Variants in AGBL1 observed in about 807,000 individuals in gnomAD.
The protein encoded by AGBL1 is cytosolic carboxypeptidase 4.
AGBL1 carries 130 observed loss-of-function variants against 118.9 expected under a neutral mutation model. The ratio of observed to expected loss-of-function variants is 1.09; its 90% CI spans 0.95 to 1.26. The LOEUF is 1.26. AGBL1 is among the 50% of genes most tolerant of loss of function. The pLI, the probability that AGBL1 is intolerant of heterozygous loss-of-function variation, is 0.00. For synonymous variants in AGBL1, 555 were observed against 478.9 expected (o/e 1.16, Z -2.08); for missense variants, 1,584 against 1,298.1 (o/e 1.22, Z -3.38).
At chr15:86,534,282 A>G (rs904429232) in intron 19 of AGBL1, among the ~76,000 whole-genome samples, 11 of 152,254 alleles carry the variant, frequency 7.2e-5, no homozygotes, top group African/African-American at 2.6e-4. Context: ...GGGTTGAGTC[A>G]TTTTCTCTCA....
chr15:86,895,952 G>A (rs577689435), intron 22 of AGBL1, among the ~76,000 whole-genome samples: 2 of 151,798 alleles, frequency 1.3e-5, no homozygotes, highest in Admixed American at 6.6e-5. Context: ...CTTTCAACTG[G>A]TATCTTTTTA....
rs966168113 is a variant in AGBL1 at position 86,303,668 on chromosome 15, A to G, written c.2374+8260A>G. ...AATAAAACAAATTTTATACTACCTA[A>G]TTTTCTCAATCAGCAAGGATATCAG... On this transcript the variant is annotated intron_variant, in intron 17 of 22. Transcript: ENST00000614907. 2.8e-4 allele frequency among the ~76,000 whole-genome samples: 42 copies of G among 152,242 alleles called. 1 individual carries two copies. Among genetic ancestry groups the G allele is most frequent in the Non-Finnish European group, 1.5e-4 (10 of 68,000 alleles).
chr15:86,239,922 A>C lies in AGBL1; in HGVS notation c.527-7749A>C, dbSNP rs946498046. On this transcript the variant is annotated intron_variant, in intron 6 of 22. Transcript: ENST00000614907. The stretch of plus-strand genomic sequence containing the variant: ...ATTAGCCCGATTTGTTCATTCCCCA[A>C]GGTATATATATAGGCACGGGAACCT... 6.6e-5 allele frequency among the ~76,000 whole-genome samples: 10 copies of C among 152,352 alleles called. 1 individual carries two copies. The Middle Eastern group carries it at 0.027, about 415-fold the overall frequency.
rs36077192 is a variant in AGBL1 at position 86,980,885 on chromosome 15, C to CTTTT, written c.3222-7086_3222-7083dup. Among the ~76,000 whole-genome samples the CTTTT allele has an allele frequency of 2.5e-5, 3 of 118,996 alleles. 1 individual carries two copies. Among genetic ancestry groups the CTTTT allele is most frequent in the African/African-American group, 1.0e-4 (3 of 29,990 alleles). The allele number at this position is 118,996 out of a possible 152,430, so 78.1% of individuals were successfully genotyped here. ...ATATAAATAGTGCTTCAGAAACATC[C>CTTTT]TTTTTTTTTTTTTTTTTTTGAGACA... On this transcript the variant is annotated intron_variant, in intron 23 of 24. Coordinates refer to the AGBL1 transcript ENST00000441037.
At chr15:86,758,847 C>T (rs1418334770) in intron 22 of AGBL1, among the ~76,000 whole-genome samples, 2 of 151,390 alleles carry the variant, frequency 1.3e-5, no homozygotes, top group African/African-American at 2.4e-5. Flanking sequence ...GTGGTACATG[C>T]CTGGAGTCCC....
At chr15:86,853,774 G>A (rs773417673) in intron 22 of AGBL1, among the ~76,000 whole-genome samples, 12 of 152,074 alleles carry the variant, frequency 7.9e-5, no homozygotes, top group Non-Finnish European at 4.4e-5. Flanking sequence ...CATTTGACTG[G>A]CTTTTAAAGA....
intron 21 of AGBL1, among the ~76,000 whole-genome samples, chr15:86,640,532 G>A (rs1294216524): frequency 2.0e-5 from 3 of 152,072 alleles, no homozygotes; most frequent in Non-Finnish European, 4.4e-5. Context: ...AGTCTCATGA[G>A]CAATTTCCTA....
chr15:86,918,287 G>C (rs2080449127), downstream of AGBL1, among the ~76,000 whole-genome samples: 1 of 152,192 alleles, frequency 6.6e-6, no homozygotes. Flanking sequence ...ATAGTTAGCA[G>C]CTTGGGCAAA....
At chr15:86,393,251 C>G (rs1351041839) in intron 17 of AGBL1, among the ~76,000 whole-genome samples, 1 of 152,128 alleles carries the variant, frequency 6.6e-6, no homozygotes, top group African/African-American at 2.4e-5. Context: ...GTTGATGTCT[C>G]TCTGTTAGAG....
chr15:86,172,146 T>C (rs1567103053), intron 5 of AGBL1, among the ~76,000 whole-genome samples: 1 of 152,156 alleles, frequency 6.6e-6, no homozygotes, highest in Non-Finnish European at 1.5e-5. Context: ...AAAGAACTTA[T>C]TCATGTAATC....
At chr15:86,097,029 C>T (rs528044840) in intron 1 of AGBL1, among the ~76,000 whole-genome samples, 44 of 152,254 alleles carry the variant, frequency 2.9e-4, no homozygotes, top group African/African-American at 7.9e-4. Context: ...TGTACTGAGA[C>T]GCTCAAACCT....
intron 23 of AGBL1, among the ~76,000 whole-genome samples, chr15:86,984,361 C>A (rs1596707018): frequency 7.0e-6 from 1 of 143,438 alleles, no homozygotes; most frequent in South Asian, 2.2e-4. Context: ...ATTTTTTTCT[C>A]TCTTTTTTTT....
chr15:86,174,952 G>A (rs2077463121), intron 5 of AGBL1, among the ~76,000 whole-genome samples: 1 of 151,952 alleles, frequency 6.6e-6, no homozygotes, highest in East Asian at 1.9e-4. Flanking sequence ...TAGGGATATT[G>A]ATCTATAGGT....
At chr15:86,946,843 CAA>C (rs11355715) in intron 23 of AGBL1, among the ~76,000 whole-genome samples, 7,603 of 99,974 alleles carry the variant, frequency 0.076, 251 homozygotes, top group East Asian at 0.26. Flanking sequence ...AAACTCGGTC[CAA>C]AAAAAAAAAA....
chr15:86,514,851 A>G (rs1160785348), intron 18 of AGBL1, among the ~76,000 whole-genome samples: 1 of 152,250 alleles, frequency 6.6e-6, no homozygotes, highest in East Asian at 1.9e-4. Context: ...TAGCTATGCT[A>G]TTTTATCCCT....
chr15:86,845,171 T>G (rs527882174), intron 22 of AGBL1, among the ~76,000 whole-genome samples: 45 of 152,242 alleles, frequency 3.0e-4, no homozygotes, highest in African/African-American at 1.0e-3. Context: ...TTAAAATCTA[T>G]TTGTCAGCTT....
intron 22 of AGBL1, among the ~76,000 whole-genome samples, chr15:86,826,876 A>C (rs2079018382): frequency 6.6e-6 from 1 of 152,070 alleles, no homozygotes; most frequent in South Asian, 2.1e-4. Context: ...GCAGCACTTA[A>C]CTATCAGACA....
At chr15:86,777,477 T>C (rs997639457) in intron 22 of AGBL1, among the ~76,000 whole-genome samples, 1 of 152,196 alleles carries the variant, frequency 6.6e-6, no homozygotes, top group Non-Finnish European at 1.5e-5. Flanking sequence ...ATTTTCAGTT[T>C]CCATAGGAAG....
intron 21 of AGBL1, among the ~76,000 whole-genome samples, chr15:86,623,665 T>C (rs2084844626): frequency 1.3e-5 from 2 of 152,206 alleles, no homozygotes; most frequent in African/African-American, 2.4e-5. Context: ...TGACAAGAGA[T>C]GCATTTCACC....
Sources: allele counts gnomAD v4.1 joint callset (sites outside exome capture counted in the v4.1 genomes callset), GRCh38; gene constraint gnomAD v4.1.1; transcripts MANE v1.5; gene names NCBI Gene and HGNC (gene_info 2026-07-23, HGNC 2026-07-21).